Variants in MAGI3 observed in about 807,000 individuals in gnomAD.
The protein encoded by MAGI3 is membrane-associated guanylate kinase, WW and PDZ domain-containing protein 3.
A neutral mutation model predicts 121.8 loss-of-function variants in MAGI3; 43 were observed. That is an observed-to-expected ratio of 0.35 (90% CI 0.28 to 0.46). The LOEUF is 0.46. Among genes scored for constraint, MAGI3 ranks in the 20% least tolerant of loss-of-function variants. The pLI is 1.00. For missense variants in MAGI3, 1,547 were observed against 1,797.3 expected, an observed-to-expected ratio of 0.86 and a Z score of 2.52; for synonymous variants, 553 against 639.3, an observed-to-expected ratio of 0.86 and a Z score of 2.04.
At chr1:113,676,884 A>G (rs1275159652) in intron 19 of MAGI3, among the ~76,000 whole-genome samples, 1 of 152,096 alleles carries the variant, frequency 6.6e-6, no homozygotes, top group African/African-American at 2.4e-5. Context: ...TGCTCCATAG[A>G]TATTTGTTGA....
chr1:113,656,718 G>C (rs1017795286), intron 15 of MAGI3, among the ~76,000 whole-genome samples: 2 of 152,220 alleles, frequency 1.3e-5, no homozygotes. Flanking sequence ...TGCCCAGCCA[G>C]ATCATTCTTT....
chr1:113,584,259 A>G (rs943989699), intron 3 of MAGI3, among the ~76,000 whole-genome samples: 2 of 152,150 alleles, frequency 1.3e-5, no homozygotes, highest in African/African-American at 4.8e-5. Context: ...AGTAGTAGGA[A>G]CCACAAACTG....
At chr1:113,622,071 TG>T (rs961545321) in intron 8 of MAGI3, among the ~76,000 whole-genome samples, 1 of 152,208 alleles carries the variant, frequency 6.6e-6, no homozygotes, top group Non-Finnish European at 1.5e-5. Context: ...ATTGTACACT[TG>T]AAAGGGCTAA....
chr1:113,523,484 G>C (rs1658301775), intron 1 of MAGI3, among the ~76,000 whole-genome samples: 1 of 152,158 alleles, frequency 6.6e-6, no homozygotes. Flanking sequence ...AGGCTGAGGT[G>C]GTCTCAGATG....
chr1:113,683,682 A>T lies in MAGI3; in HGVS notation c.4114A>T (p.Asn1372Tyr), dbSNP rs1360760657. The change falls in exon 21 of 21, where the codon AAT becomes TAT. Residue 1372 changes from asparagine (N) to tyrosine (Y), a missense_variant. Asn to Tyr is a moderately radical substitution (Grantham distance 143). Transcript: ENST00000307546. ...GAAATCTCTTCCATCCAAAATGACT[A>T]ATAAGACTACAAGTAAAGAAGTATC... is the stretch of plus-strand genomic sequence containing the variant. The part of the protein sequence containing the change: ...VEKSLPSKMT[N>Y]KTTSKEVSEN... The T allele has an allele frequency of 6.2e-7, 1 of 1,605,326 alleles. No homozygotes were observed. The highest frequency in any genetic ancestry group is 1.3e-5 in the African/African-American group (1 of 74,544).
intron 9 of MAGI3, among the ~76,000 whole-genome samples, chr1:113,634,247 C>T (rs1651855605): frequency 6.6e-6 from 1 of 151,506 alleles, no homozygotes; most frequent in Admixed American, 6.6e-5. Flanking sequence ...TTAATTAGAT[C>T]CCATTTGTCA....
intron 1 of MAGI3, among the ~76,000 whole-genome samples, chr1:113,512,997 G>T (rs1297586571): frequency 4.6e-5 from 7 of 152,098 alleles, no homozygotes; most frequent in African/African-American, 1.7e-4. Context: ...GAAACAGAGA[G>T]CCAAATCATG....
At chr1:113,579,920 A>C (rs1251713947) in intron 2 of MAGI3, among the ~76,000 whole-genome samples, 1 of 151,950 alleles carries the variant, frequency 6.6e-6, no homozygotes, top group Non-Finnish European at 1.5e-5. Context: ...TGTATTATCT[A>C]GTATTTGAAA....
intron 1 of MAGI3, among the ~76,000 whole-genome samples, chr1:113,527,685 CAG>C (rs1300566863): frequency 6.6e-6 from 1 of 152,076 alleles, no homozygotes; most frequent in African/African-American, 2.4e-5. Flanking sequence ...TTTGCTAACA[CAG>C]GGAAGATGTT....
chr1:113,620,770 T>C (rs1570951649), intron 8 of MAGI3, among the ~76,000 whole-genome samples: 1 of 152,280 alleles, frequency 6.6e-6, no homozygotes. Flanking sequence ...GTAGTTATAA[T>C]GGTAAGCTGA....
At chr1:113,574,310 A>G (rs141734225) in intron 2 of MAGI3, among the ~76,000 whole-genome samples, 1,878 of 152,166 alleles carry the variant, frequency 0.012, 17 homozygotes, top group Non-Finnish European at 0.016. Context: ...ATATTTTGGT[A>G]TGTCTTTGCA....
intron 2 of MAGI3, among the ~76,000 whole-genome samples, chr1:113,556,953 A>G (rs1014401043): frequency 3.3e-5 from 5 of 152,334 alleles, no homozygotes; most frequent in Admixed American, 6.5e-5. Context: ...AAAAACTACC[A>G]GTGCTCACTC....
chr1:113,628,469 A>G (rs975249512), intron 9 of MAGI3, among the ~76,000 whole-genome samples: 3 of 152,112 alleles, frequency 2.0e-5, no homozygotes, highest in African/African-American at 7.2e-5. Context: ...CCACAATTAC[A>G]GTTTAATATT....
intron 1 of MAGI3, chr1:113,403,507 G>A (rs1298005727): frequency 1.3e-5 from 2 of 151,996 alleles, no homozygotes; most frequent in African/African-American, 2.4e-5. Context: ...TCTTAATAGT[G>A]GCTGTGTTTG....
chr1:113,489,663 C>T (rs1656577201), intron 1 of MAGI3, among the ~76,000 whole-genome samples: 1 of 151,970 alleles, frequency 6.6e-6, no homozygotes, highest in African/African-American at 2.4e-5. Context: ...AATGCAGAAG[C>T]TGATAGACAA....
In MAGI3 at chr1:113,391,093, G is replaced by A; in HGVS notation, c.60G>A (p.Val20=). 1 of 1,587,992 alleles carries A rather than the reference G, an allele frequency of 6.3e-7. No homozygotes were observed. The highest frequency in any genetic ancestry group is 1.1e-5 in the South Asian group (1 of 87,222). Reference sequence around the variant, plus strand: ...TCAGCAAGGTGCAGGAGTGCGCCGTGTCCTGGGCCGGGCCCCCGGGCGACT... The same window carrying A: ...TCAGCAAGGTGCAGGAGTGCGCCGTATCCTGGGCCGGGCCCCCGGGCGACT... ...HWLSKVQECA[V]SWAGPPGDFG... The change falls in exon 1 of 21, where the codon GTG becomes GTA. Residue 20 remains valine (V), a synonymous_variant. Transcript: ENST00000307546. This position sits in a 1 kb window ranked among gnomAD's most constrained non-coding sequence, Gnocchi z 4.4.
chr1:113,659,119 C>T lies in MAGI3; in HGVS notation c.2669C>T (p.Pro890Leu), dbSNP rs569827672. The T allele has an allele frequency of 2.9e-5, 46 of 1,613,354 alleles. No homozygotes were observed. Among genetic ancestry groups the T allele is most frequent in the African/African-American group, 4.0e-5 (3 of 74,966 alleles). ...HKIGRVIEGS[P>L]ADRCGKLKVG... ...ATTGGCCGAGTCATAGAAGGAAGTC[C>T]GGCTGACCGCTGTGGAAAACTGAAA... The change falls in exon 16 of 21, where the codon CCG becomes CTG. Residue 890 changes from proline to leucine, a missense_variant. Transcript: ENST00000307546.
At chr1:113,484,519 G>GTTAC (rs1429066769) in intron 1 of MAGI3, among the ~76,000 whole-genome samples, 2 of 151,958 alleles carry the variant, frequency 1.3e-5, no homozygotes, top group Admixed American at 1.3e-4. Context: ...CCATTCCTGG[G>GTTAC]TTACTTCACT....
intron 20 of MAGI3, 131 bp from the exon 21 acceptor site, chr1:113,682,766 T>C (rs1054066545): frequency 2.8e-6 from 4 of 1,435,394 alleles, no homozygotes; most frequent in African/African-American, 2.9e-5. Context: ...TGTAAACATA[T>C]ACAAACTGTA....
Sources: allele counts gnomAD v4.1 joint callset (sites outside exome capture counted in the v4.1 genomes callset), GRCh38; gene constraint gnomAD v4.1.1; non-coding constraint Gnocchi (gnomAD v3.1); transcripts MANE v1.5; gene names NCBI Gene and HGNC (gene_info 2026-07-23, HGNC 2026-07-21).